Variants in OPCML observed in about 807,000 individuals in gnomAD.
OPCML encodes opioid-binding protein/cell adhesion molecule.
In OPCML, 13 loss-of-function variants were observed where a neutral mutation model predicts 37.8. That is an observed-to-expected ratio of 0.34 (90% CI 0.22 to 0.55). The LOEUF (loss-of-function observed/expected upper bound fraction) is 0.55, where lower values mean the gene tolerates loss of function less well. Among genes scored for constraint, OPCML ranks in the 20% least tolerant of loss-of-function variants. The pLI is 0.91. For missense variants in OPCML, 341 were observed against 435.6 expected, an observed-to-expected ratio of 0.78 and a Z score of 1.93; for synonymous variants, 176 against 168.8, an observed-to-expected ratio of 1.04 and a Z score of -0.33.
At chr11:133,387,214 C>T (rs1184073860) in intron 1 of OPCML, among the ~76,000 whole-genome samples, 2 of 152,282 alleles carry the variant, frequency 1.3e-5, no homozygotes, top group African/African-American at 4.8e-5. Context: ...ATGCCTATCT[C>T]ACATTTTGTA....
chr11:132,683,807 T>C (rs1943053393), intron 2 of OPCML, among the ~76,000 whole-genome samples: 2 of 152,162 alleles, frequency 1.3e-5, no homozygotes, highest in South Asian at 4.1e-4. Context: ...AGAGGGACCT[T>C]GGGCAAGGGA....
chr11:132,898,369 C>G (rs1224864357), intron 2 of OPCML, among the ~76,000 whole-genome samples: 1 of 152,126 alleles, frequency 6.6e-6, no homozygotes, highest in African/African-American at 2.4e-5. Context: ...CACAAAATGC[C>G]TTATCCACGC....
rs557036721 is a variant in OPCML, at chr11:133,153,287, G to A, written c.62-210277C>T. Reference sequence around the variant, plus strand: ...TGTCAGCTCCGGCATGAACCACGGGGAGGGCTTATGGCTGGATGAAACCAG... The same window carrying A: ...TGTCAGCTCCGGCATGAACCACGGGAAGGGCTTATGGCTGGATGAAACCAG... On this transcript the variant is annotated intron_variant, in intron 1 of 7. Transcript: ENST00000524381. 5.3e-5 allele frequency among the ~76,000 whole-genome samples: 8 copies of A among 151,752 alleles called. No homozygotes were observed. In the East Asian group the frequency reaches 9.6e-4, roughly 18 times the overall value.
chr11:132,452,959 A>G (rs932782043), intron 4 of OPCML, among the ~76,000 whole-genome samples: 17 of 152,160 alleles, frequency 1.1e-4, no homozygotes, highest in African/African-American at 4.1e-4. Flanking sequence ...GACCTTGCTT[A>G]TAAGTCTCCT....
At chr11:132,628,291 G>C (rs780110110) in intron 3 of OPCML, among the ~76,000 whole-genome samples, 1 of 152,194 alleles carries the variant, frequency 6.6e-6, no homozygotes, top group Non-Finnish European at 1.5e-5. Context: ...TTTGGATAAA[G>C]AGGTTAGAAG....
chr11:132,905,136 T>C (rs1226481145), intron 2 of OPCML, among the ~76,000 whole-genome samples: 1 of 152,192 alleles, frequency 6.6e-6, no homozygotes, highest in African/African-American at 2.4e-5. Context: ...CATACCCATT[T>C]TATAATTAAT....
At position 133,063,153 on chromosome 11, in the gene OPCML, C is replaced by CTATCTCT. The variant is rs1458905252; in HGVS notation, c.62-120150_62-120144dup. On this transcript the variant is annotated intron_variant, in intron 1 of 7. Transcript: ENST00000524381. The stretch of plus-strand genomic sequence containing the variant: ...AGTTTAGTTCCTATTCTGTCCCTTC[C>CTATCTCT]TATCTCTTTCTAGGGGCTCCAGTCT... Among the ~76,000 whole-genome samples the CTATCTCT allele has an allele frequency of 2.0e-5, 3 of 152,380 alleles. No homozygotes were observed. In the East Asian group the frequency reaches 5.8e-4, roughly 29 times the overall value.
At chr11:132,833,340 C>T (rs570396404) in intron 2 of OPCML, among the ~76,000 whole-genome samples, 1 of 152,116 alleles carries the variant, frequency 6.6e-6, no homozygotes, top group Non-Finnish European at 1.5e-5. Flanking sequence ...TGCACAGGGT[C>T]AGGATGATCA....
intron 4 of OPCML, among the ~76,000 whole-genome samples, chr11:132,478,960 A>T (rs571254378): frequency 7.8e-4 from 118 of 151,550 alleles, no homozygotes; most frequent in African/African-American, 2.7e-3. Flanking sequence ...ATGTTCAGGC[A>T]TTTTTTTTTC....
chr11:133,317,579 A>AGTAGTC (rs1417457424), intron 1 of OPCML, among the ~76,000 whole-genome samples: 1 of 152,228 alleles, frequency 6.6e-6, no homozygotes, highest in Non-Finnish European at 1.5e-5. Context: ...TTGTTGTCGT[A>AGTAGTC]GTAGTCGCAA....
intron 1 of OPCML, among the ~76,000 whole-genome samples, chr11:133,304,664 G>C (rs1055960984): frequency 6.6e-6 from 1 of 152,136 alleles, no homozygotes; most frequent in African/African-American, 2.4e-5. Flanking sequence ...TATCCCAAGC[G>C]TCTGGGCCAA....
chr11:133,194,229 G>A (rs559479807), intron 1 of OPCML, among the ~76,000 whole-genome samples: 62 of 93,318 alleles, frequency 6.6e-4, no homozygotes, highest in African/African-American at 2.7e-3. Flanking sequence ...TTTTTTTTGA[G>A]ATGGAGTTTC....
intron 1 of OPCML, among the ~76,000 whole-genome samples, chr11:133,385,681 G>A (rs1479590659): frequency 2.0e-5 from 3 of 152,092 alleles, no homozygotes; most frequent in African/African-American, 7.2e-5. Context: ...TTAGGCCCTG[G>A]TAATGAATGT....
At position 132,934,908 on chromosome 11, in the gene OPCML, G is replaced by A. The variant is rs1009361367; in HGVS notation, c.146+8018C>T. Among the ~76,000 whole-genome samples the A allele has an allele frequency of 2.0e-5, 3 of 152,130 alleles. No individual in the cohort carries two copies. In the South Asian group the frequency reaches 6.2e-4, roughly 31 times the overall value. On this transcript the variant is annotated intron_variant, in intron 2 of 7. Transcript: ENST00000524381. ...TAATCCTAGCACTTTGGGAGGCCGG[G>A]ATGGGGGGAACACCTGTGGTAGGGA...
intron 1 of OPCML, among the ~76,000 whole-genome samples, chr11:133,111,626 G>A (rs1173866672): frequency 6.6e-6 from 1 of 152,202 alleles, no homozygotes; most frequent in Non-Finnish European, 1.5e-5. Flanking sequence ...CCCATCTGGA[G>A]CTCCCTTTAA....
chr11:132,731,175 T>C (rs1945064244), intron 2 of OPCML, among the ~76,000 whole-genome samples: 1 of 152,220 alleles, frequency 6.6e-6, no homozygotes, highest in Non-Finnish European at 1.5e-5. Context: ...TTTTAATTAA[T>C]GTGTATTTAA....
intron 2 of OPCML, among the ~76,000 whole-genome samples, chr11:132,898,825 G>A (rs190651997): frequency 2.0e-5 from 3 of 151,322 alleles, no homozygotes; most frequent in East Asian, 1.9e-4. Context: ...CCATTGAACT[G>A]GAAGTTTAGA....
intron 1 of OPCML, among the ~76,000 whole-genome samples, chr11:133,105,826 A>G (rs1376015498): frequency 6.6e-6 from 1 of 152,096 alleles, no homozygotes; most frequent in East Asian, 1.9e-4. Flanking sequence ...ACTAAAAAAT[A>G]CAAAAATTAG....
chr11:133,285,898 T>C (rs1376492169), intron 1 of OPCML, among the ~76,000 whole-genome samples: 4 of 152,188 alleles, frequency 2.6e-5, no homozygotes, highest in Admixed American at 1.3e-4. Context: ...TCCTGCCTGG[T>C]AGGAGTTGAC....
Sources: allele counts gnomAD v4.1 joint callset (sites outside exome capture counted in the v4.1 genomes callset), GRCh38; gene constraint gnomAD v4.1.1; transcripts MANE v1.5; gene names NCBI Gene and HGNC (gene_info 2026-07-23, HGNC 2026-07-21).